BCL2L1: variants seen among roughly 807,000 people sequenced by gnomAD.
BCL2L1 encodes bcl-2-like protein 1.
A neutral mutation model predicts 18.7 loss-of-function variants in BCL2L1; 1 was observed. The observed-to-expected ratio is 0.05, with a 90% CI of 0.02 to 0.25. The LOEUF is 0.25. Ranked by LOEUF, BCL2L1 falls within the 10% of genes least tolerant of loss-of-function variation. The pLI is 1.00. For synonymous variants in BCL2L1, 103 were observed against 122.7 expected, an observed-to-expected ratio of 0.84 and a Z score of 1.06; for missense variants, 207 against 304.9, an observed-to-expected ratio of 0.68 and a Z score of 2.39.
chr20:31,685,128 C>T (rs1600806808), intron 2 of BCL2L1, among the ~76,000 whole-genome samples: 1 of 152,172 alleles, frequency 6.6e-6, no homozygotes, highest in Admixed American at 6.5e-5. Context: ...GACAGCCAGG[C>T]GTGGTGGCTC....
chr20:31,666,266 T>C (rs560897598), intron 2 of BCL2L1, among the ~76,000 whole-genome samples, 180 bp from the exon 3 acceptor site: 80 of 152,224 alleles, frequency 5.3e-4, no homozygotes, highest in African/African-American at 1.9e-3. Flanking sequence ...CCATTGGTGA[T>C]AATCAAACCA....
chr20:31,719,217 T>C (rs956571554), intron 2 of BCL2L1, among the ~76,000 whole-genome samples: 2 of 152,194 alleles, frequency 1.3e-5, no homozygotes, highest in Admixed American at 6.5e-5. Flanking sequence ...ACTGGTTGCA[T>C]AAGTAGAGGA....
At chr20:31,690,305 G>C (rs2061041502) in intron 2 of BCL2L1, among the ~76,000 whole-genome samples, 1 of 151,874 alleles carries the variant, frequency 6.6e-6, no homozygotes, top group African/African-American at 2.4e-5. Context: ...TGTCCAGGCT[G>C]GTCTCCAACT....
chr20:31,673,967 C>A (rs6119656), intron 2 of BCL2L1, among the ~76,000 whole-genome samples: 1 of 152,052 alleles, frequency 6.6e-6, no homozygotes, highest in Non-Finnish European at 1.5e-5. Context: ...TCATTTGATC[C>A]TCATAACATT....
intron 2 of BCL2L1, among the ~76,000 whole-genome samples, chr20:31,697,732 C>T (rs966794570): frequency 1.3e-5 from 2 of 152,036 alleles, no homozygotes; most frequent in African/African-American, 2.4e-5. Flanking sequence ...CCACTGTGCC[C>T]GGCCTAACAG....
chr20:31,710,923 G>A (rs540440257), intron 2 of BCL2L1, among the ~76,000 whole-genome samples: 3 of 152,334 alleles, frequency 2.0e-5, no homozygotes, highest in African/African-American at 7.2e-5. Context: ...GAGCCAGGTA[G>A]TCAGGGTAAA....
chr20:31,723,499 C>G, upstream of BCL2L1: 1 of 985,362 alleles, frequency 1.0e-6, no homozygotes, highest in South Asian at 4.7e-5. Context: ...GGGCCGGCTG[C>G]GGCCTAGCGG....
At position 31,715,769 on chromosome 20, in the gene BCL2L1, A is replaced by G. The variant is rs941343838; in HGVS notation, c.564+5886T>C. Among the ~76,000 whole-genome samples the G allele has an allele frequency of 7.9e-5, 12 of 152,192 alleles. No individual in the cohort carries two copies. In the East Asian group the frequency reaches 2.3e-3, roughly 29 times the overall value. On this transcript the variant is annotated intron_variant, in intron 2 of 2. Transcript: ENST00000307677. ...ATTCACATCTAAAAAGGAAATCTACACTAGTAAAGGTATCTGTATTAGGAA... is the reference window on the plus strand; with the variant it reads ...ATTCACATCTAAAAAGGAAATCTACGCTAGTAAAGGTATCTGTATTAGGAA...
chr20:31,675,792 T>C (rs2060749505), intron 2 of BCL2L1, among the ~76,000 whole-genome samples: 1 of 152,164 alleles, frequency 6.6e-6, no homozygotes, highest in Non-Finnish European at 1.5e-5. Flanking sequence ...TCCCTAGCAG[T>C]AGTGGTGAGA....
At chr20:31,677,905 T>C (rs553089970) in intron 2 of BCL2L1, among the ~76,000 whole-genome samples, 2 of 152,318 alleles carry the variant, frequency 1.3e-5, no homozygotes, top group Admixed American at 6.5e-5. Context: ...CTGAAGAGTC[T>C]GGCTGAGTGT....
At chr20:31,675,725 G>A (rs729838) in intron 2 of BCL2L1, among the ~76,000 whole-genome samples, 11,789 of 152,210 alleles carry the variant, frequency 0.077, 471 homozygotes, top group Middle Eastern at 0.11. Flanking sequence ...CCCAGGTATG[G>A]GTGGGTGCCA....
At chr20:31,718,813 A>G (rs1385335517) in intron 2 of BCL2L1, among the ~76,000 whole-genome samples, 1 of 152,184 alleles carries the variant, frequency 6.6e-6, no homozygotes, top group African/African-American at 2.4e-5. Context: ...TCCTTCCCAT[A>G]GCTACCTGAA....
At chr20:31,686,851 C>T (rs2060964493) in intron 2 of BCL2L1, among the ~76,000 whole-genome samples, 1 of 152,156 alleles carries the variant, frequency 6.6e-6, no homozygotes, top group Non-Finnish European at 1.5e-5. Context: ...AAGGGAAGCC[C>T]ATGGAGACCA....
intron 2 of BCL2L1, among the ~76,000 whole-genome samples, chr20:31,680,129 G>A (rs2060834179): frequency 6.6e-6 from 1 of 152,204 alleles, no homozygotes; most frequent in South Asian, 2.1e-4. Context: ...GCAAGTAGGT[G>A]CTGTTCCCAT....
At position 31,721,671 on chromosome 20, in the gene BCL2L1, T is replaced by A; in HGVS notation, c.548A>T (p.Gln183Leu). The part of the protein sequence containing the change: ...YLNDHLEPWI[Q>L]ENGGWDTFVE... The stretch of plus-strand genomic sequence containing the variant: ...GGTTCTTACCCAGCCGCCGTTCTCC[T>A]GGATCCAAGGCTCTAGGTGGTCATT... Residue 183 changes from glutamine (Q) to leucine (L), a missense_variant, in exon 2 of 3, where the codon CAG becomes CTG. By Grantham distance (113) the Gln-to-Leu change is moderately radical. Transcript: ENST00000307677. 6.2e-7 allele frequency: 1 copy of A among 1,607,372 alleles called. No homozygotes were observed. The highest frequency in any genetic ancestry group is 8.5e-7 in the Non-Finnish European group (1 of 1,175,718).
intron 2 of BCL2L1, among the ~76,000 whole-genome samples, chr20:31,669,160 A>T (rs1228292529): frequency 7.9e-5 from 12 of 151,838 alleles, no homozygotes; most frequent in Admixed American, 7.9e-4. Context: ...GGCTCAGATG[A>T]TCCTCCTGCC....
chr20:31,712,402 A>T (rs1219348966), intron 2 of BCL2L1, among the ~76,000 whole-genome samples: 1 of 152,246 alleles, frequency 6.6e-6, no homozygotes, highest in Non-Finnish European at 1.5e-5. Flanking sequence ...TGCTGTGAGA[A>T]TGAAATCTAT....
At chr20:31,689,427 C>CA (rs921639794) in intron 2 of BCL2L1, among the ~76,000 whole-genome samples, 6 of 130,708 alleles carry the variant, frequency 4.6e-5, no homozygotes, top group African/African-American at 5.8e-5. Flanking sequence ...CCCGTCTCTA[C>CA]AAAAAAAAGA....
chr20:31,697,890 C>CTTTTTTTTTTTTTTTTTTTTTT (rs2061202499), intron 2 of BCL2L1, among the ~76,000 whole-genome samples: 1 of 78,818 alleles, frequency 1.3e-5, no homozygotes, highest in African/African-American at 1.2e-4. Context: ...TGTGCTGTTG[C>CTTTTTTTTTTTTTTTTTTTTTT]TGTTTTTTTT....
Sources: gnomAD v4.1 joint callset for allele counts (sites outside exome capture counted in the v4.1 genomes callset) on GRCh38, gnomAD v4.1.1 for gene constraint, MANE v1.5 for transcripts, NCBI Gene and HGNC (gene_info 2026-07-23, HGNC 2026-07-21) for gene names.